The following MAP4K5 variants were observed in gnomAD, a reference collection of about 807,000 sequenced individuals.
MAP4K5 encodes mitogen-activated protein kinase kinase kinase kinase 5.
MAP4K5 carries 82 observed loss-of-function variants against 135.6 expected under a neutral mutation model. That is an observed-to-expected ratio of 0.60 (90% CI 0.51 to 0.73). MAP4K5 has a LOEUF of 0.73. Ranked by LOEUF, MAP4K5 falls within the 30% of genes least tolerant of loss-of-function variation. The probability of loss-of-function intolerance (pLI) is 0.00; values close to 1 mark genes in which losing one functional copy is unlikely to be tolerated. For synonymous variants in MAP4K5, 347 were observed against 335.0 expected (o/e 1.04, Z -0.39); for missense variants, 907 against 1,010.9 (o/e 0.90, Z 1.39).
chr14:50,474,978 C>A, intron 9 of MAP4K5, 99 bp downstream of exon 9: 1 of 1,043,138 alleles, frequency 9.6e-7, no homozygotes, highest in Non-Finnish European at 1.5e-6. Flanking sequence ...CGCAAATCTC[C>A]CTACTTTTAA....
chr14:50,554,775 T>C (rs562323266), intron 1 of MAP4K5, among the ~76,000 whole-genome samples: 6 of 152,242 alleles, frequency 3.9e-5, no homozygotes, highest in African/African-American at 1.4e-4. Context: ...CCCAGAAGTG[T>C]CCTGTATAAG....
intron 2 of MAP4K5, 36 bp downstream of exon 2, chr14:50,531,906 C>A (rs367626849): frequency 2.8e-6 from 4 of 1,413,236 alleles, no homozygotes; most frequent in South Asian, 1.2e-5. Flanking sequence ...GGGACCCAGT[C>A]GACCGCAGGA....
chr14:50,451,376 A>G (rs1468569667), intron 14 of MAP4K5, among the ~76,000 whole-genome samples: 2 of 152,230 alleles, frequency 1.3e-5, no homozygotes, highest in Non-Finnish European at 2.9e-5. Context: ...CCAGAAGCAG[A>G]GGAGAGAGAC....
At chr14:50,447,116 T>G (rs987375224) in intron 16 of MAP4K5, among the ~76,000 whole-genome samples, 2 of 152,156 alleles carry the variant, frequency 1.3e-5, no homozygotes, top group Admixed American at 1.3e-4. Context: ...GGTAACTATA[T>G]TGGAGAGATG....
intron 1 of MAP4K5, among the ~76,000 whole-genome samples, chr14:50,551,723 T>C (rs140506151): frequency 1.4e-4 from 22 of 152,256 alleles, no homozygotes; most frequent in African/African-American, 5.1e-4. Flanking sequence ...GTTTAACATA[T>C]GCAAATCAAT....
chr14:50,439,681 T>G (rs764715304), intron 23 of MAP4K5, among the ~76,000 whole-genome samples: 2 of 152,154 alleles, frequency 1.3e-5, no homozygotes, highest in Non-Finnish European at 2.9e-5. Flanking sequence ...ATCCTCTGCT[T>G]CTTTCCTGTT....
intron 24 of MAP4K5, 36 bp from the exon 25 acceptor site, chr14:50,438,044 A>G: frequency 9.0e-7 from 1 of 1,105,358 alleles, no homozygotes; most frequent in Non-Finnish European, 1.4e-6. Context: ...TTTGAGAATC[A>G]TTTACAGCAG....
intron 1 of MAP4K5, among the ~76,000 whole-genome samples, chr14:50,560,850 C>T (rs560885566): frequency 4.6e-5 from 7 of 152,318 alleles, no homozygotes; most frequent in Admixed American, 2.6e-4. Context: ...CGGTAGCAGA[C>T]CGAGCAACTG....
chr14:50,550,429 T>G (rs1448516322), intron 1 of MAP4K5, among the ~76,000 whole-genome samples: 1 of 152,232 alleles, frequency 6.6e-6, no homozygotes, highest in African/African-American at 2.4e-5. Context: ...AGGCTGTGAC[T>G]ACAGCAGCGG....
At chr14:50,447,292 C>T (rs1476463715) in intron 16 of MAP4K5, 122 bp downstream of exon 16, 3 of 600,352 alleles carry the variant, frequency 5.0e-6, no homozygotes, top group Non-Finnish European at 8.5e-6. Flanking sequence ...AAAGCTTTAC[C>T]TTCATTAATG....
intron 6 of MAP4K5, among the ~76,000 whole-genome samples, chr14:50,477,188 G>A (rs1024274620): frequency 4.6e-5 from 7 of 151,998 alleles, no homozygotes; most frequent in African/African-American, 1.2e-4. Context: ...GTATGCAGGT[G>A]TTTATGCATC....
In MAP4K5 at chr14:50,434,369, C is replaced by T. The variant is rs199762752; in HGVS notation, c.2164+25G>A. 925 of 1,557,096 alleles carry T rather than the reference C, an allele frequency of 5.9e-4. 1 individual carries two copies. Among genetic ancestry groups the T allele is most frequent in the Non-Finnish European group, 7.9e-4 (905 of 1,147,164 alleles). On this transcript the variant is annotated intron_variant, in intron 28 of 32. Transcript: ENST00000682126. ...TTTTATAGGCAAAAATATCAATATT[C>T]TAACATAAGGTAAAAAATACTTACC...
intron 15 of MAP4K5, among the ~76,000 whole-genome samples, chr14:50,447,876 G>A (rs1359795100): frequency 8.2e-6 from 1 of 122,402 alleles, no homozygotes; most frequent in Non-Finnish European, 1.7e-5. Context: ...TCTTAGCATG[G>A]AAACTGGGGT....
At chr14:50,520,483 A>G (rs973832731) in intron 2 of MAP4K5, among the ~76,000 whole-genome samples, 1 of 152,208 alleles carries the variant, frequency 6.6e-6, no homozygotes, top group African/African-American at 2.4e-5. Context: ...CCTGGGCGAC[A>G]GAGCAAGACT....
rs1468971280 is a variant in MAP4K5 at position 50,458,967 on chromosome 14, C to G, written c.937-2373G>C. Among the ~76,000 whole-genome samples, 3 of 152,010 alleles carry G rather than the reference C, an allele frequency of 2.0e-5. No individual in the cohort carries two copies. In the East Asian group the frequency reaches 5.8e-4, roughly 29 times the overall value. On this transcript the variant is annotated intron_variant, in intron 13 of 32. Transcript: ENST00000682126. Reference sequence around the variant, plus strand: ...GGGACTACAGGAACCCACCACCAAGCCTTGCTAATTTTAAAACATTTTTTG... The same window carrying G: ...GGGACTACAGGAACCCACCACCAAGGCTTGCTAATTTTAAAACATTTTTTG...
intron 30 of MAP4K5, among the ~76,000 whole-genome samples, chr14:50,427,164 G>T (rs1026006489): frequency 1.3e-5 from 2 of 152,240 alleles, no homozygotes; most frequent in Admixed American, 6.5e-5. Flanking sequence ...AGCCTAGGAG[G>T]AACAAACTTT....
chr14:50,476,605 CA>C (rs1261136534), intron 6 of MAP4K5, among the ~76,000 whole-genome samples: 1 of 152,178 alleles, frequency 6.6e-6, no homozygotes, highest in Non-Finnish European at 1.5e-5. Context: ...GGATTACAGG[CA>C]TGCGCCACTA....
intron 6 of MAP4K5, among the ~76,000 whole-genome samples, chr14:50,476,692 C>A (rs983510135): frequency 5.3e-5 from 8 of 152,160 alleles, no homozygotes; most frequent in Non-Finnish European, 1.0e-4. Flanking sequence ...GAACTCCTGA[C>A]CTCAAGTGAT....
upstream of MAP4K5, among the ~76,000 whole-genome samples, chr14:50,536,054 G>A (rs553572488): frequency 6.6e-5 from 10 of 152,296 alleles, no homozygotes; most frequent in African/African-American, 1.7e-4. Context: ...GTGAGGCTTC[G>A]CAGCCACATG....
Sources: gnomAD v4.1 joint callset for allele counts (sites outside exome capture counted in the v4.1 genomes callset) on GRCh38, gnomAD v4.1.1 for gene constraint, MANE v1.5 for transcripts, NCBI Gene and HGNC (gene_info 2026-07-23, HGNC 2026-07-21) for gene names.